Variants in AGBL4 observed in about 807,000 individuals in gnomAD.
The protein encoded by AGBL4 is AGBL carboxypeptidase 4.
A neutral mutation model predicts 66.4 loss-of-function variants in AGBL4; 58 were observed. The ratio of observed to expected loss-of-function variants is 0.87; its 90% CI spans 0.71 to 1.09. AGBL4 has a LOEUF of 1.09. Among genes scored for constraint, AGBL4 ranks in the 50% least tolerant of loss-of-function variants. The pLI is 0.00. For missense variants in AGBL4, 579 were observed against 631.0 expected (o/e 0.92, Z 0.88); for synonymous variants, 234 against 222.9 (o/e 1.05, Z -0.44).
intron 3 of AGBL4, among the ~76,000 whole-genome samples, chr1:49,354,530 C>G (rs1643979011): frequency 6.6e-6 from 1 of 152,194 alleles, no homozygotes; most frequent in Admixed American, 6.5e-5. Flanking sequence ...TCTTCTCTAT[C>G]TACACTTGCT....
chr1:49,993,306 T>C (rs1660106469), intron 1 of AGBL4, among the ~76,000 whole-genome samples: 1 of 152,240 alleles, frequency 6.6e-6, no homozygotes, highest in Non-Finnish European at 1.5e-5. Context: ...ATTGTTGAGA[T>C]TGAGCTTTCC....
chr1:48,724,950 C>G (rs544679223), intron 6 of AGBL4, among the ~76,000 whole-genome samples: 2 of 152,272 alleles, frequency 1.3e-5, no homozygotes, highest in East Asian at 3.9e-4. Flanking sequence ...ACTCACTGGC[C>G]TGGCACAAGA....
chr1:48,572,762 C>A (rs1235108321), intron 11 of AGBL4, among the ~76,000 whole-genome samples: 1 of 152,096 alleles, frequency 6.6e-6, no homozygotes, highest in Non-Finnish European at 1.5e-5. Flanking sequence ...TTAGCCCTGA[C>A]AAAGGACCAG....
chr1:48,833,466 T>C (rs1043450018), intron 6 of AGBL4, among the ~76,000 whole-genome samples: 1 of 152,138 alleles, frequency 6.6e-6, no homozygotes, highest in East Asian at 1.9e-4. Context: ...TATAATAAAA[T>C]GTGAGAAGAG....
At chr1:50,014,490 A>G (rs1424135611) in intron 1 of AGBL4, among the ~76,000 whole-genome samples, 27 of 151,864 alleles carry the variant, frequency 1.8e-4, no homozygotes, top group Admixed American at 1.7e-3. Context: ...CCTACTTTCA[A>G]GATCAGTTTC....
chr1:49,772,037 G>C (rs563960789), intron 2 of AGBL4, among the ~76,000 whole-genome samples: 1 of 151,880 alleles, frequency 6.6e-6, no homozygotes, highest in Non-Finnish European at 1.5e-5. Context: ...TCATTGTTTT[G>C]TAGATCCCTT....
rs12044511 is a variant in AGBL4 at position 49,545,722 on chromosome 1, T to G, written c.282+151591A>C. 8.5e-3 allele frequency among the ~76,000 whole-genome samples: 1,301 copies of G among 152,322 alleles called. 9 individuals are homozygous for G. Among genetic ancestry groups the G allele is most frequent in the Middle Eastern group, 0.031 (9 of 294 alleles). On this transcript the variant is annotated intron_variant, in intron 3 of 13. Coordinates refer to ENST00000371839, the MANE Select transcript of AGBL4 (RefSeq NM_032785.4). ...CACAGTTCTTGGCACACAATAAACA[T>G]TCCTTAAATGATTTTTGTTGTTGTT...
intron 2 of AGBL4, among the ~76,000 whole-genome samples, chr1:49,776,856 CA>C (rs1644210834): frequency 6.6e-6 from 1 of 152,076 alleles, no homozygotes; most frequent in South Asian, 2.1e-4. Context: ...AAGCTCAGAT[CA>C]TGTCTTGCCC....
intron 4 of AGBL4, among the ~76,000 whole-genome samples, chr1:49,099,385 G>A (rs1447241403): frequency 6.6e-6 from 1 of 152,138 alleles, no homozygotes; most frequent in Non-Finnish European, 1.5e-5. Flanking sequence ...AAGTCATGAA[G>A]TGTAAATCTG....
intron 3 of AGBL4, among the ~76,000 whole-genome samples, chr1:49,286,258 C>G (rs1217771796): frequency 3.9e-5 from 6 of 152,008 alleles, no homozygotes; most frequent in Admixed American, 1.3e-4. Context: ...CAATATCATA[C>G]TGAATGGGCA....
At chr1:49,586,875 C>T (rs569613985) in intron 3 of AGBL4, among the ~76,000 whole-genome samples, 1 of 152,244 alleles carries the variant, frequency 6.6e-6, no homozygotes. Context: ...GAGTGTCCCT[C>T]ACCTCTGTCT....
chr1:49,260,643 C>A (rs889475076), intron 3 of AGBL4, among the ~76,000 whole-genome samples: 12 of 152,176 alleles, frequency 7.9e-5, no homozygotes, highest in South Asian at 2.1e-4. Flanking sequence ...CAATAACAGG[C>A]TCTGAAATTG....
At chr1:48,531,163 C>A (rs557397802), downstream of AGBL4, among the ~76,000 whole-genome samples, 1 of 152,194 alleles carries the variant, frequency 6.6e-6, no homozygotes, top group African/African-American at 2.4e-5. Flanking sequence ...AGTCATCTTG[C>A]AAACACACCC....
At chr1:48,993,248 C>CT (rs1157505910) in intron 5 of AGBL4, among the ~76,000 whole-genome samples, 1 of 152,154 alleles carries the variant, frequency 6.6e-6, no homozygotes. Flanking sequence ...AGCAGATTCC[C>CT]TTCTGGCTCA....
intron 4 of AGBL4, among the ~76,000 whole-genome samples, chr1:49,184,442 T>C (rs941462013): frequency 1.3e-5 from 2 of 152,204 alleles, no homozygotes; most frequent in Non-Finnish European, 2.9e-5. Context: ...GCACACTGAA[T>C]GTACATCTCT....
intron 4 of AGBL4, among the ~76,000 whole-genome samples, chr1:49,094,221 C>A (rs554250324): frequency 6.6e-6 from 1 of 152,138 alleles, no homozygotes; most frequent in East Asian, 1.9e-4. Flanking sequence ...TACTACCCCC[C>A]ACTCCCCTAC....
intron 3 of AGBL4, among the ~76,000 whole-genome samples, chr1:49,503,725 C>CT (rs778951784): frequency 9.9e-5 from 15 of 152,278 alleles, no homozygotes; most frequent in Non-Finnish European, 1.8e-4. Flanking sequence ...TGCATGGGGC[C>CT]TATGGCCCTT....
intron 5 of AGBL4, among the ~76,000 whole-genome samples, chr1:48,921,202 A>G (rs4926774): frequency 0.046 from 7,005 of 152,250 alleles, 277 homozygotes; most frequent in East Asian, 0.16. Flanking sequence ...AGAAGTAGAC[A>G]AAAATATTGA....
chr1:48,790,383 C>A lies in AGBL4; in HGVS notation c.634+76808G>T, dbSNP rs559627421. Among the ~76,000 whole-genome samples the A allele has an allele frequency of 2.5e-3, 369 of 149,126 alleles. 2 individuals carry two copies. The highest frequency in any genetic ancestry group is 8.6e-3 in the African/African-American group (349 of 40,818). ...TTGCATGCAAAAAGGGGGAAAAAAT[C>A]TTTTCCTTGGCATAGAAAAATTTCA... On this transcript the variant is annotated intron_variant, in intron 6 of 13. Transcript: ENST00000371839.
Sources: allele counts gnomAD v4.1 joint callset (sites outside exome capture counted in the v4.1 genomes callset), GRCh38; gene constraint gnomAD v4.1.1; transcripts MANE v1.5; gene names NCBI Gene and HGNC (gene_info 2026-07-23, HGNC 2026-07-21).